The following ARMH4 variants were observed in gnomAD, a reference collection of about 807,000 sequenced individuals.
ARMH4 encodes armadillo like helical domain containing 4, also known as armadillo-like helical domain-containing protein 4.
Under a neutral mutation model 61.9 loss-of-function variants are expected in ARMH4, and 49 were observed. The observed-to-expected ratio is 0.79, with a 90% CI of 0.63 to 1.00. ARMH4 has a LOEUF of 1.00. Among genes scored for constraint, ARMH4 ranks in the 50% least tolerant of loss-of-function variants. ARMH4 has a pLI of 0.00. For synonymous variants in ARMH4, 368 were observed against 341.5 expected (o/e 1.08, Z -0.85); for missense variants, 934 against 930.0 (o/e 1.00, Z -0.06).
intron 1 of ARMH4, among the ~76,000 whole-genome samples, chr14:58,145,199 C>CCCTTCAGA (rs556061174): frequency 0.41 from 61,676 of 151,818 alleles, 13,765 homozygotes; most frequent in Non-Finnish European, 0.52. Flanking sequence ...CTTGGGCTGG[C>CCCTTCAGA]ATCAGAAAAA....
intron 5 of ARMH4, among the ~76,000 whole-genome samples, chr14:58,080,373 C>T (rs1885181231): frequency 6.6e-6 from 1 of 152,122 alleles, no homozygotes; most frequent in African/African-American, 2.4e-5. Flanking sequence ...AGGTGATCCA[C>T]CCACCTCGGC....
intron 5 of ARMH4, among the ~76,000 whole-genome samples, chr14:58,080,118 TA>T (rs1329397148): frequency 0.016 from 753 of 47,682 alleles, 14 homozygotes; most frequent in African/African-American, 0.052. Context: ...TATATTTATT[TA>T]TATATATATA....
intron 5 of ARMH4, among the ~76,000 whole-genome samples, chr14:58,090,478 T>C (rs190244421): frequency 1.9e-4 from 29 of 152,228 alleles, no homozygotes; most frequent in African/African-American, 6.0e-4. Context: ...GATCACATTC[T>C]CCTTGCCAAC....
intron 1 of ARMH4, among the ~76,000 whole-genome samples, chr14:58,141,908 CAA>C (rs965635056): frequency 8.6e-5 from 13 of 151,970 alleles, no homozygotes; most frequent in African/African-American, 2.9e-4. Flanking sequence ...CAGAAAAAAA[CAA>C]AATATACTTT....
At chr14:58,007,683 T>C (rs1882229761) in intron 6 of ARMH4, among the ~76,000 whole-genome samples, 1 of 152,224 alleles carries the variant, frequency 6.6e-6, no homozygotes. Context: ...TCTTCAGCAA[T>C]GAAAATAAAT....
At chr14:58,098,383 C>T (rs73306279) in intron 4 of ARMH4, among the ~76,000 whole-genome samples, 16,122 of 152,212 alleles carry the variant, frequency 0.11, 1,462 homozygotes, top group African/African-American at 0.25. Flanking sequence ...AAAGCAATAA[C>T]GTCTCTGCCT....
At chr14:58,078,645 T>C (rs1036927479) in intron 5 of ARMH4, among the ~76,000 whole-genome samples, 15 of 152,252 alleles carry the variant, frequency 9.9e-5, no homozygotes, top group Admixed American at 8.5e-4. Flanking sequence ...AAGAGTGAGA[T>C]AGTAAATATT....
chr14:58,056,706 T>G (rs1884360297), intron 5 of ARMH4, among the ~76,000 whole-genome samples: 1 of 152,168 alleles, frequency 6.6e-6, no homozygotes, highest in Non-Finnish European at 1.5e-5. Flanking sequence ...TAATTCCTTC[T>G]ACCATGCCAC....
rs1218171192 is a variant in ARMH4 at position 58,001,645 on chromosome 14, C to A, written c.*3091G>T. ...TCATTGTGACTTTAAATGACCTTGT[C>A]TCTATCATAAGGAAGTGGTTCTCTA... is the stretch of plus-strand genomic sequence containing the variant. On this transcript the variant is annotated 3_prime_UTR_variant, in exon 8 of 8. Transcript: ENST00000267485. 1 of 152,200 alleles carries A rather than the reference C, an allele frequency of 6.6e-6. No homozygotes were observed. Among genetic ancestry groups the A allele is most frequent in the Non-Finnish European group, 1.5e-5 (1 of 68,030 alleles). 9.4% of individuals were successfully genotyped at this position (152,200 alleles called of 1,614,324 possible). A position where few individuals can be genotyped will look rare whatever the true frequency, so the allele number is the denominator to read the frequency against.
intron 4 of ARMH4, among the ~76,000 whole-genome samples, chr14:58,105,424 G>A (rs1442079829): frequency 6.6e-6 from 1 of 152,154 alleles, no homozygotes; most frequent in African/African-American, 2.4e-5. Flanking sequence ...GGTGGCTCAC[G>A]CCTGTAATCC....
chr14:58,069,343 T>TGAATATGG (rs1370455479), intron 5 of ARMH4, among the ~76,000 whole-genome samples: 2 of 152,204 alleles, frequency 1.3e-5, no homozygotes, highest in Non-Finnish European at 2.9e-5. Context: ...AATACAACCA[T>TGAATATGG]GAATATGGCA....
chr14:58,065,167 G>A (rs1566564164), intron 5 of ARMH4, among the ~76,000 whole-genome samples: 1 of 152,100 alleles, frequency 6.6e-6, no homozygotes, highest in Non-Finnish European at 1.5e-5. Flanking sequence ...GCTTGAAACT[G>A]GGAGGCAGAG....
chr14:58,107,333 G>A (rs956306262), intron 4 of ARMH4, among the ~76,000 whole-genome samples: 2 of 152,166 alleles, frequency 1.3e-5, no homozygotes, highest in Non-Finnish European at 2.9e-5. Context: ...AGTCTCACCT[G>A]TATTTTCTGC....
chr14:58,051,545 A>G (rs926344885), intron 5 of ARMH4, among the ~76,000 whole-genome samples: 1 of 152,218 alleles, frequency 6.6e-6, no homozygotes, highest in African/African-American at 2.4e-5. Flanking sequence ...AAGTACTTGC[A>G]CTTGAATAAC....
At chr14:58,049,060 A>AC (rs1884038937) in intron 5 of ARMH4, among the ~76,000 whole-genome samples, 1 of 152,030 alleles carries the variant, frequency 6.6e-6, no homozygotes, top group Admixed American at 6.6e-5. Context: ...ACATGGTGAA[A>AC]CCCCATCTCT....
intron 4 of ARMH4, among the ~76,000 whole-genome samples, chr14:58,098,354 G>A (rs749678691): frequency 7.9e-5 from 12 of 152,210 alleles, no homozygotes; most frequent in Non-Finnish European, 1.5e-4. Flanking sequence ...AACGGGTGCC[G>A]TTGCAGACAC....
chr14:58,118,140 T>C (rs1886593830), intron 4 of ARMH4, among the ~76,000 whole-genome samples: 1 of 152,172 alleles, frequency 6.6e-6, no homozygotes, highest in East Asian at 1.9e-4. Context: ...TCTGTTTCTT[T>C]CCTGGCCTCT....
chr14:58,056,111 G>T (rs1378688289), intron 5 of ARMH4, among the ~76,000 whole-genome samples: 1 of 152,168 alleles, frequency 6.6e-6, no homozygotes, highest in African/African-American at 2.4e-5. Flanking sequence ...AGTTCAACTT[G>T]GTGATAATTT....
At chr14:58,082,602 G>C (rs1395365904) in intron 5 of ARMH4, among the ~76,000 whole-genome samples, 3 of 152,082 alleles carry the variant, frequency 2.0e-5, no homozygotes, top group Non-Finnish European at 4.4e-5. Flanking sequence ...GCTTTACAAG[G>C]CTCCACTTGG....
Sources: allele counts gnomAD v4.1 joint callset (sites outside exome capture counted in the v4.1 genomes callset), GRCh38; gene constraint gnomAD v4.1.1; transcripts MANE v1.5; gene names NCBI Gene and HGNC (gene_info 2026-07-23, HGNC 2026-07-21).